MEGF10: variants seen among roughly 807,000 people sequenced by gnomAD.
MEGF10 encodes the protein multiple epidermal growth factor-like domains protein 10.
Under a neutral mutation model 147.5 loss-of-function variants are expected in MEGF10, and 86 were observed. The ratio of observed to expected loss-of-function variants is 0.58; its 90% CI spans 0.49 to 0.70. The LOEUF is 0.70. Among genes scored for constraint, MEGF10 ranks in the 30% least tolerant of loss-of-function variants. The probability of loss-of-function intolerance (pLI) is 0.00; values close to 1 mark genes in which losing one functional copy is unlikely to be tolerated. For synonymous variants in MEGF10, 478 were observed against 525.5 expected, an observed-to-expected ratio of 0.91 and a Z score of 1.24; for missense variants, 1,329 against 1,487.3, an observed-to-expected ratio of 0.89 and a Z score of 1.75.
chr5:127,310,001 C>T (rs1235970532), intron 1 of MEGF10, among the ~76,000 whole-genome samples: 1 of 58,900 alleles, frequency 1.7e-5, no homozygotes, highest in Non-Finnish European at 3.7e-5. Context: ...TTCTTTCCTT[C>T]CTTCCTTCCT....
the MEGF10 span, among the ~76,000 whole-genome samples, chr5:127,281,154 C>T: frequency 6.6e-6 from 1 of 152,222 alleles, no homozygotes; most frequent in Non-Finnish European, 1.5e-5. Flanking sequence ...GATTTTAACC[C>T]TGGGAGCAGA....
intron 1 of MEGF10, among the ~76,000 whole-genome samples, chr5:127,302,114 G>A (rs1759798368): frequency 6.6e-6 from 1 of 152,092 alleles, no homozygotes; most frequent in African/African-American, 2.4e-5. Context: ...TTAGTAAGAT[G>A]TCAACAGAAT....
At position 127,460,041 on chromosome 5, in the gene MEGF10, C is replaced by G. The variant is rs1380049358; in HGVS notation, c.*2723C>G. The G allele has an allele frequency of 6.6e-6, 1 of 152,164 alleles. No individual in the cohort carries two copies. Among genetic ancestry groups the G allele is most frequent in the Non-Finnish European group, 1.5e-5 (1 of 68,032 alleles). 9.4% of individuals were successfully genotyped at this position (152,164 alleles called of 1,614,324 possible). A position where few individuals can be genotyped will look rare whatever the true frequency, so the allele number is the denominator to read the frequency against. ...TTAATTTGACATTGATGTCACTCTT[C>G]ATACCAAGTGAATCTATTCTCATGA... On this transcript the variant is annotated 3_prime_UTR_variant, in exon 25 of 25. Coordinates refer to ENST00000503335, the MANE Select transcript of MEGF10 (RefSeq NM_001256545.2).
At chr5:127,326,112 G>A (rs1761022356) in intron 1 of MEGF10, among the ~76,000 whole-genome samples, 1 of 151,168 alleles carries the variant, frequency 6.6e-6, no homozygotes. Context: ...ATGTGGTCTT[G>A]CTATGTTGCT....
At chr5:127,331,946 G>T (rs374572462) in intron 2 of MEGF10, among the ~76,000 whole-genome samples, 1 of 151,998 alleles carries the variant, frequency 6.6e-6, no homozygotes, top group African/African-American at 2.4e-5. Flanking sequence ...AAGATGAGTG[G>T]GTTGCAATGA....
At chr5:127,454,115 G>A (rs1349147604) in intron 22 of MEGF10, among the ~76,000 whole-genome samples, 5 of 152,192 alleles carry the variant, frequency 3.3e-5, no homozygotes, top group South Asian at 2.1e-4. Context: ...AACAGTGTTC[G>A]AAGCTTCCAG....
At chr5:127,242,741 C>T in the MEGF10 span, among the ~76,000 whole-genome samples, 2 of 151,904 alleles carry the variant, frequency 1.3e-5, no homozygotes. Context: ...AGATATCAGC[C>T]AATAGTTATT....
intron 9 of MEGF10, among the ~76,000 whole-genome samples, chr5:127,412,851 T>A (rs60694077): frequency 0.065 from 9,839 of 152,174 alleles, 1,085 homozygotes; most frequent in African/African-American, 0.22. Context: ...GGCTAATTGG[T>A]CCTGGATATC....
intron 5 of MEGF10, among the ~76,000 whole-genome samples, chr5:127,370,863 T>G (rs952498431): frequency 6.6e-6 from 1 of 152,218 alleles, no homozygotes; most frequent in Non-Finnish European, 1.5e-5. Flanking sequence ...TTGTAATGCG[T>G]GAAACATTAC....
At position 127,434,831 on chromosome 5, in the gene MEGF10, G is replaced by A. The variant is rs148814585; in HGVS notation, c.1975+10G>A. 924 of 1,610,420 alleles carry A rather than the reference G, an allele frequency of 5.7e-4. 3 individuals are homozygous for A. The highest frequency in any genetic ancestry group is 4.6e-4 in the Non-Finnish European group (538 of 1,179,432). ...GCCCTCTGCAATGAAGGTAAGGCAC[G>A]AAGCATCCCGGACAGCTGGGTGGTG... On this transcript the variant is annotated intron_variant, in intron 15 of 24. Coordinates refer to ENST00000503335, the MANE Select transcript of MEGF10 (RefSeq NM_001256545.2).
At chr5:127,235,629 A>C in the MEGF10 span, among the ~76,000 whole-genome samples, 2 of 152,220 alleles carry the variant, frequency 1.3e-5, no homozygotes, top group Non-Finnish European at 2.9e-5. Context: ...ATGATATTTT[A>C]AAACATGAAC....
chr5:127,428,842 C>G (rs995497317), intron 13 of MEGF10, among the ~76,000 whole-genome samples: 3 of 152,208 alleles, frequency 2.0e-5, no homozygotes, highest in South Asian at 4.1e-4. Context: ...TGCATTCATG[C>G]AATCACAAAT....
At chr5:127,282,097 T>G in the MEGF10 span, among the ~76,000 whole-genome samples, 2 of 152,200 alleles carry the variant, frequency 1.3e-5, no homozygotes, top group Non-Finnish European at 2.9e-5. Flanking sequence ...TAACTAGGGT[T>G]GGAGATGGCT....
At chr5:127,358,768 T>C (rs753921420) in intron 4 of MEGF10, among the ~76,000 whole-genome samples, 2 of 152,160 alleles carry the variant, frequency 1.3e-5, no homozygotes, top group Non-Finnish European at 2.9e-5. Flanking sequence ...TAGGTTCAGT[T>C]GTTAGGAATT....
chr5:127,232,927 TGAG>T, the MEGF10 span, among the ~76,000 whole-genome samples: 2 of 152,026 alleles, frequency 1.3e-5, no homozygotes, highest in Non-Finnish European at 2.9e-5. Context: ...CCAGTAGATG[TGAG>T]GAGAGTGTGC....
chr5:127,251,310 A>C, the MEGF10 span, among the ~76,000 whole-genome samples: 1 of 152,098 alleles, frequency 6.6e-6, no homozygotes, highest in Non-Finnish European at 1.5e-5. Context: ...TATAGTAAAG[A>C]GCACTGGATC....
chr5:127,414,776 CAG>C (rs998073033), intron 9 of MEGF10, among the ~76,000 whole-genome samples: 54 of 152,110 alleles, frequency 3.6e-4, no homozygotes, highest in African/African-American at 1.3e-3. Context: ...GGTGGCAAAA[CAG>C]ATTTAATTCT....
chr5:127,394,561 T>A (rs1172664487), intron 5 of MEGF10, among the ~76,000 whole-genome samples: 2 of 152,046 alleles, frequency 1.3e-5, no homozygotes, highest in Non-Finnish European at 2.9e-5. Context: ...CAGGATGGAG[T>A]CTTCTCTACC....
At chr5:127,454,707 G>A (rs1345859207) in intron 23 of MEGF10, 97 bp downstream of exon 23, 2 of 1,098,450 alleles carry the variant, frequency 1.8e-6, no homozygotes, top group Non-Finnish European at 2.6e-6. Flanking sequence ...AATGGCAAGA[G>A]AAAATGTAGA....
Sources: allele counts gnomAD v4.1 joint callset (sites outside exome capture counted in the v4.1 genomes callset), GRCh38; gene constraint gnomAD v4.1.1; transcripts MANE v1.5; gene names NCBI Gene and HGNC (gene_info 2026-07-23, HGNC 2026-07-21).